DENND2C: variants seen among roughly 807,000 people sequenced by gnomAD.
DENND2C encodes DENN domain-containing protein 2C.
A neutral mutation model predicts 112.4 loss-of-function variants in DENND2C; 72 were observed. The observed-to-expected ratio is 0.64, with a 90% confidence interval of 0.53 to 0.78. The LOEUF (loss-of-function observed/expected upper bound fraction) is 0.78, where lower values mean the gene tolerates loss of function less well. Ranked by LOEUF, DENND2C falls within the 30% of genes least tolerant of loss-of-function variation. DENND2C has a pLI of 0.00. For synonymous variants in DENND2C, 329 were observed against 381.6 expected, an observed-to-expected ratio of 0.86 and a Z score of 1.61; for missense variants, 992 against 1,113.8, an observed-to-expected ratio of 0.89 and a Z score of 1.56.
chr1:114,586,719 TTTTATTTATTTTTTTAATTTTTA>T (rs1158730115), intron 20 of DENND2C: 1 of 150,830 alleles, frequency 6.6e-6, no homozygotes, highest in Non-Finnish European at 1.5e-5. Flanking sequence ...TTTTATTTAT[TTTTATTTATTTTTTTAATTTTTA>T]TTTATTTATT....
chr1:114,628,691 T>C (rs933567619), intron 3 of DENND2C, among the ~76,000 whole-genome samples: 5 of 152,236 alleles, frequency 3.3e-5, no homozygotes, highest in African/African-American at 1.2e-4. Context: ...GGTTGTGATT[T>C]TGTCCCGTGT....
intron 2 of DENND2C, among the ~76,000 whole-genome samples, chr1:114,649,080 G>A (rs961239369): frequency 7.3e-5 from 11 of 150,072 alleles, no homozygotes; most frequent in Admixed American, 4.6e-4. Context: ...TCAGCCTCCC[G>A]AGTAGCTGGG....
At chr1:114,638,774 A>G (rs1023088402) in intron 3 of DENND2C, among the ~76,000 whole-genome samples, 2 of 150,980 alleles carry the variant, frequency 1.3e-5, no homozygotes, top group Non-Finnish European at 1.5e-5. Context: ...AAAAAAAAAA[A>G]AAAAAGAGAA....
intron 2 of DENND2C, among the ~76,000 whole-genome samples, chr1:114,649,987 A>C (rs1266890565): frequency 6.6e-6 from 1 of 152,130 alleles, no homozygotes; most frequent in Non-Finnish European, 1.5e-5. Flanking sequence ...CAGTGTATAC[A>C]TAATTGTATC....
rs1244737424 is a variant in DENND2C, at chr1:114,622,976, T to A, written c.1056+11A>T. On this transcript the variant is annotated intron_variant, in intron 6 of 20. Coordinates refer to ENST00000393274, the MANE Select transcript of DENND2C (RefSeq NM_001256404.2). ...TTCTAATGTTTTCTTCAATTCATTA[T>A]CTGGTTATACCTTGGGTGCTTTAAA... is the stretch of plus-strand genomic sequence containing the variant. The A allele has an allele frequency of 6.3e-7, 1 of 1,578,380 alleles. No homozygotes were observed. The highest frequency in any genetic ancestry group is 1.8e-5 in the Admixed American group (1 of 55,204).
chr1:114,625,289 G>T lies in DENND2C; in HGVS notation c.696C>A (p.Asn232Lys). The T allele has an allele frequency of 6.2e-7, 1 of 1,614,116 alleles. No homozygotes were observed. Among genetic ancestry groups the T allele is most frequent in the South Asian group, 1.1e-5 (1 of 91,086 alleles). Residue 232 changes from asparagine to lysine, a missense_variant, in exon 4 of 21, where the codon AAC becomes AAA. Around this residue, in one of 3 missense-constraint regions of DENND2C, gnomAD observed 470 missense variants for 472.7 expected, o/e 0.99. Transcript: ENST00000393274. ...TATTTTCACAGTATTTTTTGTCACA[G>T]TTTCTTTCTTTATACGGCGTAACAC... is the stretch of plus-strand genomic sequence containing the variant. ...ESGVTPYKER[N>K]CDKKYCENNS...
At chr1:114,644,011 T>C (rs952133314) in intron 3 of DENND2C, among the ~76,000 whole-genome samples, 1 of 152,212 alleles carries the variant, frequency 6.6e-6, no homozygotes, top group Non-Finnish European at 1.5e-5. Flanking sequence ...CGGGTACTAC[T>C]GGAGGGTTTA....
rs79875084 is a variant in DENND2C, at chr1:114,634,105, T to C, written c.-204-7917A>G. 7.5e-3 allele frequency among the ~76,000 whole-genome samples: 1,147 copies of C among 152,298 alleles called. 42 individuals carry two copies. The highest frequency in any genetic ancestry group is 0.06 in the Admixed American group (912 of 15,298). ...GCAATCCTAATGTTCATGCACCTAA[T>C]AAGAGTTTCAAAAATGTAAGAAGCA... On this transcript the variant is annotated intron_variant, in intron 3 of 20. Transcript: ENST00000393274.
chr1:114,590,342 A>T (rs1655151497), intron 18 of DENND2C, among the ~76,000 whole-genome samples: 1 of 152,176 alleles, frequency 6.6e-6, no homozygotes, highest in East Asian at 1.9e-4. Flanking sequence ...GTGGGCCATG[A>T]TCACAACACT....
At chr1:114,642,047 G>C (rs949725340) in intron 3 of DENND2C, among the ~76,000 whole-genome samples, 1 of 152,036 alleles carries the variant, frequency 6.6e-6, no homozygotes, top group South Asian at 2.1e-4. Context: ...CTGCCTCCCG[G>C]TTCAAGTGGT....
chr1:114,641,209 A>G lies in DENND2C; in HGVS notation c.-205+4239T>C, dbSNP rs1025482022. Among the ~76,000 whole-genome samples the G allele has an allele frequency of 9.3e-5, 14 of 150,758 alleles. No homozygotes were observed. The East Asian group carries it at 2.3e-3, about 25-fold the overall frequency. On this transcript the variant is annotated intron_variant, in intron 3 of 20. Coordinates refer to ENST00000393274, the MANE Select transcript of DENND2C (RefSeq NM_001256404.2). ...ACCTGTTGGGAGGTCAAGGTGGGAG[A>G]ATTGCTTGAGCCCAAGAGACCAGCC... is the stretch of plus-strand genomic sequence containing the variant.
chr1:114,668,308 A>G (rs1199034179), intron 1 of DENND2C, among the ~76,000 whole-genome samples: 1 of 152,186 alleles, frequency 6.6e-6, no homozygotes, highest in Non-Finnish European at 1.5e-5. Context: ...CAACACACAC[A>G]AAAATTACAT....
intron 1 of DENND2C, among the ~76,000 whole-genome samples, chr1:114,667,683 T>G (rs1475825677): frequency 6.6e-6 from 1 of 152,204 alleles, no homozygotes; most frequent in African/African-American, 2.4e-5. Flanking sequence ...GAAATAGTTT[T>G]TTATAGACCT....
At chr1:114,598,686 T>G (rs1375008106) in intron 16 of DENND2C, among the ~76,000 whole-genome samples, 3 of 152,180 alleles carry the variant, frequency 2.0e-5, no homozygotes, top group African/African-American at 7.2e-5. Context: ...TAAGGTTTTT[T>G]GGGTTTTTGT....
Position 114,600,924 on chromosome 1 carries a change from G to A in DENND2C, c.1852C>T (p.Pro618Ser), listed in dbSNP as rs561206470. Reference sequence around the variant, plus strand: ...CGCATGAATGGGTAAACAAGGGCTGGAGACATTTCTCTTCTCTTCTCTACT... The same window carrying A: ...CGCATGAATGGGTAAACAAGGGCTGAAGACATTTCTCTTCTCTTCTCTACT... Reference protein sequence around the residue: ...DEVEKRREMSPALVYPFMRSV... With the variant: ...DEVEKRREMSSALVYPFMRSV... Residue 618 changes from proline to serine, a missense_variant, in exon 14 of 21, where the codon CCA (proline) becomes TCA (serine). Pro to Ser is a moderately conservative substitution (Grantham distance 74, BLOSUM62 -1). Coordinates refer to ENST00000393274, the MANE Select transcript of DENND2C (RefSeq NM_001256404.2). 109 of 1,613,768 alleles carry A rather than the reference G, an allele frequency of 6.8e-5. No homozygotes were observed. The highest frequency in any genetic ancestry group is 9.2e-5 in the Non-Finnish European group (108 of 1,179,852).
chr1:114,663,795 T>C (rs1657568486), intron 1 of DENND2C, among the ~76,000 whole-genome samples: 1 of 152,254 alleles, frequency 6.6e-6, no homozygotes, highest in South Asian at 2.1e-4. Context: ...CAGTCCATGC[T>C]TATTCATTGA....
At chr1:114,668,380 A>G (rs1225037388) in intron 1 of DENND2C, among the ~76,000 whole-genome samples, 1 of 152,190 alleles carries the variant, frequency 6.6e-6, no homozygotes, top group Non-Finnish European at 1.5e-5. Flanking sequence ...GTGGTCTAAA[A>G]TTCTTGCCTA....
Position 114,615,601 on chromosome 1 carries a change from AAG to A in DENND2C, c.1324+2783_1324+2784del, listed in dbSNP as rs369233775. On this transcript the variant is annotated intron_variant, in intron 8 of 20. Coordinates refer to ENST00000393274, the MANE Select transcript of DENND2C (RefSeq NM_001256404.2). ...GACCAAAAGTATTTCTTCCCCAGAG[AAG>A]ATTGAAACATGTTTTAGTAATTGCC... is the stretch of plus-strand genomic sequence containing the variant. 6.7e-3 allele frequency among the ~76,000 whole-genome samples: 1,025 copies of A among 152,372 alleles called. 6 individuals are homozygous for A. The highest frequency in any genetic ancestry group is 0.031 in the Middle Eastern group (9 of 294).
Position 114,625,262 on chromosome 1 carries a change from G to A in DENND2C, c.723C>T (p.Asn241=). The change falls in exon 4 of 21, where the codon AAC becomes AAT. Residue 241 remains asparagine, a synonymous_variant. Transcript: ENST00000393274. ...AGGCCAAAGAAGATTGTGCACAAGA[G>A]TTATTTTCACAGTATTTTTTGTCAC... ...RNCDKKYCEN[N]SCAQSSLASS... The A allele has an allele frequency of 6.2e-7, 1 of 1,614,106 alleles. No individual in the cohort carries two copies. Among genetic ancestry groups the A allele is most frequent in the Non-Finnish European group, 8.5e-7 (1 of 1,180,016 alleles).
Sources: gnomAD v4.1 joint callset for allele counts (sites outside exome capture counted in the v4.1 genomes callset) on GRCh38, gnomAD v4.1.1 for gene constraint, gnomAD v4.1.1 regional missense constraint, MANE v1.5 for transcripts, NCBI Gene and HGNC (gene_info 2026-07-23, HGNC 2026-07-21) for gene names.